The following FRMD4A variants were observed in gnomAD, a reference collection of about 807,000 sequenced individuals.
FRMD4A encodes the protein FERM domain-containing protein 4A.
A neutral mutation model predicts 129.1 loss-of-function variants in FRMD4A; 29 were observed. The ratio of observed to expected loss-of-function variants is 0.22; its 90% CI spans 0.17 to 0.31. The LOEUF is 0.31. Among genes scored for constraint, FRMD4A ranks in the 10% least tolerant of loss-of-function variants. FRMD4A has a pLI of 1.00. For synonymous variants in FRMD4A, 634 were observed against 571.6 expected (o/e 1.11, Z -1.56); for missense variants, 1,272 against 1,375.8 (o/e 0.92, Z 1.19).
At chr10:14,148,730 C>G (rs1840200238) in intron 2 of FRMD4A, among the ~76,000 whole-genome samples, 1 of 151,472 alleles carries the variant, frequency 6.6e-6, no homozygotes, top group Non-Finnish European at 1.5e-5. Context: ...CCACTGCACT[C>G]CAGCCTAGGT....
chr10:13,663,063 T>C (rs2082755415), intron 19 of FRMD4A, among the ~76,000 whole-genome samples: 1 of 151,588 alleles, frequency 6.6e-6, no homozygotes, highest in Non-Finnish European at 1.5e-5. Flanking sequence ...TGTGGTGGCA[T>C]GCTGTAGTCC....
Position 14,016,616 on chromosome 10 carries a change from G to A in FRMD4A, c.46-157704C>T, listed in dbSNP as rs150240425. Among the ~76,000 whole-genome samples the A allele has an allele frequency of 3.6e-3, 550 of 152,330 alleles. 7 individuals are homozygous for A. Among genetic ancestry groups the A allele is most frequent in the Non-Finnish European group, 3.9e-3 (262 of 68,024 alleles). ...ACCTTTGAGAGCTCCCTGTTTAGTA[G>A]ATTTCATTTGAGTAACTATGAGTAC... On this transcript the variant is annotated intron_variant, in intron 2 of 24. Coordinates refer to ENST00000357447, the MANE Select transcript of FRMD4A (RefSeq NM_018027.5).
At chr10:14,217,236 C>A (rs1843103726) in intron 2 of FRMD4A, among the ~76,000 whole-genome samples, 1 of 152,218 alleles carries the variant, frequency 6.6e-6, no homozygotes, top group Admixed American at 6.5e-5. Context: ...CCCATGATTT[C>A]TACTTTGGAC....
chr10:14,244,590 T>C (rs1160649324), intron 2 of FRMD4A, among the ~76,000 whole-genome samples: 1 of 152,246 alleles, frequency 6.6e-6, no homozygotes, highest in African/African-American at 2.4e-5. Context: ...TTTGTTACCA[T>C]GTTTTAGCCT....
At chr10:14,309,494 G>T (rs530646673) in intron 2 of FRMD4A, among the ~76,000 whole-genome samples, 2 of 151,978 alleles carry the variant, frequency 1.3e-5, no homozygotes, top group Admixed American at 1.3e-4. Flanking sequence ...CAACAAAACC[G>T]TATAGAGTCA....
chr10:14,319,367 T>TCTCTCTCACACA lies in FRMD4A; in HGVS notation c.45+10690_45+10691insTGTGTGAGAGAG, dbSNP rs112041665. Among the ~76,000 whole-genome samples the TCTCTCTCACACA allele has an allele frequency of 1.2e-4, 18 of 145,156 alleles. 1 individual carries two copies. In the South Asian group the frequency reaches 3.5e-3, roughly 28 times the overall value. On this transcript the variant is annotated intron_variant, in intron 2 of 24. Transcript: ENST00000357447. ...TCTCTCTCCTCTCTCTCTCTCTCTC[T>TCTCTCTCACACA]CACACACACACACACACACATGATA...
chr10:13,959,536 C>A (rs894074238), intron 2 of FRMD4A, among the ~76,000 whole-genome samples: 1 of 133,338 alleles, frequency 7.5e-6, no homozygotes. Context: ...TTGTAATCAT[C>A]AGGTGACAGG....
intron 12 of FRMD4A, chr10:13,727,842 A>G (rs12572591): frequency 0.73 from 111,706 of 152,240 alleles, 41,605 homozygotes; most frequent in Middle Eastern, 0.82. Flanking sequence ...GTCTGATTTC[A>G]GAAGCTAAGC....
At chr10:13,925,638 C>T (rs1213562976) in intron 2 of FRMD4A, among the ~76,000 whole-genome samples, 8 of 118,246 alleles carry the variant, frequency 6.8e-5, no homozygotes, top group Admixed American at 1.1e-4. Flanking sequence ...GGCTGGAGTG[C>T]GGTGGCGTGA....
chr10:13,927,539 T>C (rs1534627), intron 2 of FRMD4A, among the ~76,000 whole-genome samples: 76,396 of 152,032 alleles, frequency 0.5, 20,096 homozygotes, highest in East Asian at 0.73. Context: ...TTTCTCAGGG[T>C]ACAAGTTCTA....
At chr10:14,304,207 A>G (rs1042798261) in intron 2 of FRMD4A, among the ~76,000 whole-genome samples, 2 of 152,162 alleles carry the variant, frequency 1.3e-5, no homozygotes, top group Admixed American at 6.5e-5. Context: ...AGGAACTGCC[A>G]TATCGTTTTC....
chr10:14,099,946 G>A (rs988878689), intron 2 of FRMD4A, among the ~76,000 whole-genome samples: 6 of 152,140 alleles, frequency 3.9e-5, no homozygotes, highest in Admixed American at 1.3e-4. Context: ...GGTTCTGAGC[G>A]AGTACCTTCT....
chr10:14,021,485 A>G (rs1832748898), intron 2 of FRMD4A, among the ~76,000 whole-genome samples: 1 of 152,108 alleles, frequency 6.6e-6, no homozygotes, highest in East Asian at 1.9e-4. Context: ...TGAGCCCAGG[A>G]GGTCGAGGCT....
At chr10:14,106,513 G>A (rs1447023147) in intron 2 of FRMD4A, among the ~76,000 whole-genome samples, 2 of 152,174 alleles carry the variant, frequency 1.3e-5, no homozygotes, top group African/African-American at 4.8e-5. Context: ...TATAAATTAA[G>A]TCATACATTT....
chr10:13,781,145 A>C (rs1315312576), intron 6 of FRMD4A, among the ~76,000 whole-genome samples: 2 of 151,682 alleles, frequency 1.3e-5, no homozygotes, highest in Admixed American at 1.3e-4. Context: ...TCCATAAACA[A>C]ATACAAAAAT....
intron 2 of FRMD4A, among the ~76,000 whole-genome samples, chr10:14,089,626 A>AC (rs1179813055): frequency 6.6e-5 from 2 of 30,356 alleles, no homozygotes; most frequent in Non-Finnish European, 6.9e-5. Flanking sequence ...AGCAAAAAAA[A>AC]AAACAAAAAA....
chr10:14,287,464 C>T (rs1845718377), intron 2 of FRMD4A, among the ~76,000 whole-genome samples: 1 of 152,022 alleles, frequency 6.6e-6, no homozygotes, highest in Non-Finnish European at 1.5e-5. Context: ...GTTAATAACA[C>T]CTTAAGTGTA....
At chr10:14,070,739 G>A (rs1180891768) in intron 2 of FRMD4A, among the ~76,000 whole-genome samples, 4 of 152,168 alleles carry the variant, frequency 2.6e-5, no homozygotes, top group Non-Finnish European at 5.9e-5. Context: ...CTGGTTGTGT[G>A]CTAGACATCA....
chr10:14,266,211 A>AC (rs1430620652), intron 2 of FRMD4A, among the ~76,000 whole-genome samples: 1 of 151,960 alleles, frequency 6.6e-6, no homozygotes, highest in Non-Finnish European at 1.5e-5. Flanking sequence ...TAAGCAGCAT[A>AC]CCTCATCTCT....
Sources: allele counts gnomAD v4.1 joint callset (sites outside exome capture counted in the v4.1 genomes callset), GRCh38; gene constraint gnomAD v4.1.1; transcripts MANE v1.5; gene names NCBI Gene and HGNC (gene_info 2026-07-23, HGNC 2026-07-21).